The following ARHGAP22 variants were observed in gnomAD, a reference collection of about 807,000 sequenced individuals.
ARHGAP22 encodes the protein Rho GTPase activating protein 22, also known as rho GTPase-activating protein 22.
In ARHGAP22, 48 loss-of-function variants were observed where a neutral mutation model predicts 59.1. The ratio of observed to expected loss-of-function variants is 0.81; its 90% confidence interval spans 0.64 to 1.03. The LOEUF (loss-of-function observed/expected upper bound fraction) is 1.03, where lower values mean the gene tolerates loss of function less well. Among genes scored for constraint, ARHGAP22 ranks in the 50% least tolerant of loss-of-function variants. The probability of loss-of-function intolerance (pLI) is 0.00; values close to 1 mark genes in which losing one functional copy is unlikely to be tolerated. For synonymous variants in ARHGAP22, 445 were observed against 416.4 expected (o/e 1.07, Z -0.84); for missense variants, 1,015 against 958.7 (o/e 1.06, Z -0.78).
chr10:48,451,578 G>T, intron 8 of ARHGAP22: 1 of 702,230 alleles, frequency 1.4e-6, no homozygotes, highest in Non-Finnish European at 2.6e-6. Context: ...GGAGCATAGG[G>T]CTCTGGGACA....
At chr10:48,573,598 A>G (rs1366324230) in intron 2 of ARHGAP22, among the ~76,000 whole-genome samples, 3 of 152,232 alleles carry the variant, frequency 2.0e-5, no homozygotes, top group African/African-American at 4.8e-5. Context: ...CTTCCTTTTT[A>G]TAATTCATAT....
chr10:48,498,067 C>T (rs770557516), intron 3 of ARHGAP22, among the ~76,000 whole-genome samples: 1 of 152,152 alleles, frequency 6.6e-6, no homozygotes, highest in Non-Finnish European at 1.5e-5. Context: ...TGCAGTGCCT[C>T]GGGCCGGTCC....
Position 48,450,361 on chromosome 10 carries a change from G to A in ARHGAP22, c.1768C>T (p.Arg590Trp), listed in dbSNP as rs530686505. ...GCCTCGGAGCGGCGCGCGTGTTCCC[G>A]GGTGGGGCTGTCCGGCTCGCTGGGC... Reference protein sequence around the residue: ...SEPSEPDSPTREHARRSEALQ... With the variant: ...SEPSEPDSPTWEHARRSEALQ... The change falls in exon 9 of 10, where the codon CGG becomes TGG. Residue 590 changes from arginine to tryptophan, a missense_variant. Transcript: ENST00000249601. 7 of 1,587,406 alleles carry A rather than the reference G, an allele frequency of 4.4e-6. No individual in the cohort carries two copies. Among genetic ancestry groups the A allele is most frequent in the South Asian group, 1.1e-5 (1 of 87,464 alleles).
intron 3 of ARHGAP22, among the ~76,000 whole-genome samples, chr10:48,536,025 C>T (rs2055317497): frequency 2.0e-5 from 3 of 152,174 alleles, no homozygotes. Context: ...CAGGATGGGG[C>T]CCGGCAGAGG....
intron 1 of ARHGAP22, among the ~76,000 whole-genome samples, chr10:48,596,151 C>G (rs2060054566): frequency 6.6e-6 from 1 of 152,218 alleles, no homozygotes. Context: ...TGGTATTCAG[C>G]AAGGGCAGTG....
chr10:48,625,463 C>A (rs1372597334), intron 1 of ARHGAP22, among the ~76,000 whole-genome samples: 1 of 152,212 alleles, frequency 6.6e-6, no homozygotes, highest in East Asian at 1.9e-4. Flanking sequence ...CCTAATCATG[C>A]ATAAGGCTGC....
At chr10:48,567,469 G>C (rs1350057151) in intron 2 of ARHGAP22, among the ~76,000 whole-genome samples, 1 of 152,216 alleles carries the variant, frequency 6.6e-6, no homozygotes, top group Non-Finnish European at 1.5e-5. Flanking sequence ...AGTGACTAGT[G>C]AACAGAATGC....
At chr10:48,437,339 T>A in the ARHGAP22 span, 3 of 152,198 alleles carry the variant, frequency 2.0e-5, no homozygotes, top group African/African-American at 4.8e-5. Flanking sequence ...TGGAATCCTT[T>A]AAGCATCTTA....
chr10:48,652,907 G>A (rs941627922), upstream of ARHGAP22, among the ~76,000 whole-genome samples: 1 of 152,148 alleles, frequency 6.6e-6, no homozygotes, highest in Admixed American at 6.5e-5. Context: ...CTCATGGCAT[G>A]GCTTCTCCAT....
At chr10:48,439,822 C>T in the ARHGAP22 span, among the ~76,000 whole-genome samples, 13 of 152,320 alleles carry the variant, frequency 8.5e-5, no homozygotes, top group South Asian at 2.1e-4. Flanking sequence ...ACTGTAATGA[C>T]GCCACTCCGT....
intron 8 of ARHGAP22, chr10:48,451,359 C>T (rs1188517453): frequency 2.7e-6 from 2 of 732,308 alleles, no homozygotes; most frequent in Non-Finnish European, 4.9e-6. Flanking sequence ...CTTCCTCAGG[C>T]ACAGAGCCGC....
At chr10:48,502,000 C>T (rs1201878200) in intron 3 of ARHGAP22, among the ~76,000 whole-genome samples, 2 of 152,166 alleles carry the variant, frequency 1.3e-5, no homozygotes, top group Non-Finnish European at 2.9e-5. Flanking sequence ...AGATGACTGT[C>T]TTGATTGAAG....
chr10:48,445,832 T>C (rs1321136654), downstream of ARHGAP22: 1 of 157,042 alleles, frequency 6.4e-6, no homozygotes, highest in Non-Finnish European at 1.4e-5. Flanking sequence ...AAGAAAGGCA[T>C]CCCACCTGGA....
chr10:48,625,647 G>A (rs1412756206), intron 1 of ARHGAP22, among the ~76,000 whole-genome samples: 3 of 151,746 alleles, frequency 2.0e-5, no homozygotes, highest in African/African-American at 4.8e-5. Flanking sequence ...ACCAGACCGT[G>A]CTCACATTGC....
the ARHGAP22 span, chr10:48,439,463 C>T: frequency 1.3e-5 from 2 of 151,496 alleles, no homozygotes; most frequent in African/African-American, 4.9e-5. Context: ...TTGCTAGGGC[C>T]GGTTTCTTAG....
At chr10:48,584,359 T>A (rs972521218) in intron 1 of ARHGAP22, among the ~76,000 whole-genome samples, 32 of 152,212 alleles carry the variant, frequency 2.1e-4, no homozygotes, top group African/African-American at 7.7e-4. Flanking sequence ...ATCCATACCC[T>A]GGCATTAGCT....
rs142482053 is a variant in ARHGAP22, at chr10:48,485,721, C to T, written c.323-5957G>A. On this transcript the variant is annotated intron_variant, in intron 3 of 9. Coordinates refer to ENST00000249601, the MANE Select transcript of ARHGAP22 (RefSeq NM_021226.4). ...AGGACTGTTATGTCCTCTTGAAGAA[C>T]TGACCTCTTTATCATTATGAAATGA... Among the ~76,000 whole-genome samples the T allele has an allele frequency of 7.2e-4, 109 of 152,306 alleles. 1 individual carries two copies. Among genetic ancestry groups the T allele is most frequent in the African/African-American group, 1.9e-3 (79 of 41,572 alleles).
intron 2 of ARHGAP22, among the ~76,000 whole-genome samples, chr10:48,564,383 T>G (rs2057912157): frequency 6.6e-6 from 1 of 152,180 alleles, no homozygotes; most frequent in African/African-American, 2.4e-5. Context: ...AAAATAATTT[T>G]AATACAATTC....
intron 3 of ARHGAP22, among the ~76,000 whole-genome samples, chr10:48,545,266 C>T (rs1216126563): frequency 1.3e-5 from 2 of 152,302 alleles, no homozygotes; most frequent in Admixed American, 1.3e-4. Flanking sequence ...TATAGAAGAG[C>T]GCTGCTCTAG....
Sources: allele counts gnomAD v4.1 joint callset (sites outside exome capture counted in the v4.1 genomes callset), GRCh38; gene constraint gnomAD v4.1.1; transcripts MANE v1.5; gene names NCBI Gene and HGNC (gene_info 2026-07-23, HGNC 2026-07-21).